ASNS: variants seen among roughly 807,000 people sequenced by gnomAD.
The protein encoded by ASNS is asparagine synthetase (glutamine-hydrolyzing), also known as asparagine synthetase [glutamine-hydrolyzing].
Under a neutral mutation model 62.6 loss-of-function variants are expected in ASNS, and 37 were observed. That is an observed-to-expected ratio of 0.59 (90% CI 0.45 to 0.78). ASNS has a LOEUF of 0.78. ASNS is among the 30% of genes least tolerant of loss of function. The pLI, the probability that ASNS is intolerant of heterozygous loss-of-function variation, is 0.00. For synonymous variants in ASNS, 207 were observed against 237.9 expected (o/e 0.87, Z 1.19); for missense variants, 520 against 682.4 (o/e 0.76, Z 2.65).
intron 3 of ASNS, among the ~76,000 whole-genome samples, chr7:97,864,745 C>A (rs1375842317): frequency 6.6e-6 from 1 of 151,992 alleles, no homozygotes; most frequent in Non-Finnish European, 1.5e-5. Flanking sequence ...TGGGAATGTG[C>A]CAGAACAGTA....
the ASNS span, chr7:97,928,052 C>A: frequency 2.2e-6 from 3 of 1,341,670 alleles, no homozygotes; most frequent in Non-Finnish European, 3.1e-6. Flanking sequence ...GCTCCCGGCA[C>A]CCCCGGACCC....
chr7:97,883,384 T>A, the ASNS span, among the ~76,000 whole-genome samples: 1 of 151,996 alleles, frequency 6.6e-6, no homozygotes, highest in Admixed American at 6.6e-5. Context: ...CTTGGGTATG[T>A]TTTTCTTCTC....
At chr7:97,920,048 C>T in the ASNS span, among the ~76,000 whole-genome samples, 11 of 151,094 alleles carry the variant, frequency 7.3e-5, no homozygotes, top group East Asian at 2.1e-3. Flanking sequence ...TGCTCTGTTG[C>T]CCAGGCTGGA....
chr7:97,906,134 C>T, the ASNS span, among the ~76,000 whole-genome samples: 1 of 152,124 alleles, frequency 6.6e-6, no homozygotes, highest in Non-Finnish European at 1.5e-5. Flanking sequence ...CTATAACTAC[C>T]TCCTCCATGC....
chr7:97,924,299 G>T, the ASNS span, among the ~76,000 whole-genome samples: 1 of 152,088 alleles, frequency 6.6e-6, no homozygotes, highest in Non-Finnish European at 1.5e-5. Context: ...CTTTCGGCCA[G>T]GGGGGGATGC....
At chr7:97,886,516 A>C in the ASNS span, among the ~76,000 whole-genome samples, 1 of 152,102 alleles carries the variant, frequency 6.6e-6, no homozygotes, top group Non-Finnish European at 1.5e-5. Context: ...GGTTTTCTTA[A>C]CAGCATAAGG....
chr7:97,910,273 A>C, the ASNS span, among the ~76,000 whole-genome samples: 24 of 152,188 alleles, frequency 1.6e-4, no homozygotes, highest in African/African-American at 5.3e-4. Context: ...ATAAGCACCC[A>C]CACACACATG....
chr7:97,877,942 T>C, the ASNS span, among the ~76,000 whole-genome samples: 2 of 152,260 alleles, frequency 1.3e-5, no homozygotes, highest in South Asian at 4.1e-4. Flanking sequence ...AGGGGTTCTC[T>C]TGGGGGCTGT....
chr7:97,866,938 C>G (rs1792001105), intron 3 of ASNS, among the ~76,000 whole-genome samples: 1 of 152,226 alleles, frequency 6.6e-6, no homozygotes, highest in Admixed American at 6.5e-5. Context: ...GACCATAAAG[C>G]ATTCGGTGAT....
the ASNS span, among the ~76,000 whole-genome samples, chr7:97,896,723 C>T: frequency 5.4e-4 from 19 of 35,082 alleles, no homozygotes; most frequent in African/African-American, 1.7e-3. Flanking sequence ...CACACACACA[C>T]ACACACACAC....
the ASNS span, among the ~76,000 whole-genome samples, chr7:97,884,079 G>C: frequency 1.3e-5 from 2 of 151,714 alleles, no homozygotes; most frequent in Non-Finnish European, 2.9e-5. Context: ...TATTTCACCA[G>C]TGGGGAAGCT....
At chr7:97,886,499 G>A in the ASNS span, among the ~76,000 whole-genome samples, 1 of 152,102 alleles carries the variant, frequency 6.6e-6, no homozygotes, top group Non-Finnish European at 1.5e-5. Flanking sequence ...ATGCTGCTGT[G>A]ATATCGGGTT....
intron 10 of ASNS, 59 bp downstream of exon 10, chr7:97,854,519 GTT>G (rs1791340266): frequency 6.4e-7 from 1 of 1,574,676 alleles, no homozygotes; most frequent in Admixed American, 1.9e-5. Flanking sequence ...TGAGCTTTTT[GTT>G]TTGTTTTGTT....
At chr7:97,857,061 C>A (rs1397415904) in intron 7 of ASNS, among the ~76,000 whole-genome samples, 1 of 152,188 alleles carries the variant, frequency 6.6e-6, no homozygotes, top group Non-Finnish European at 1.5e-5. Context: ...AAGGCTTCAA[C>A]CATTCTCCCA....
chr7:97,866,628 AGGT>A (rs1174498838), intron 3 of ASNS, among the ~76,000 whole-genome samples: 1 of 152,264 alleles, frequency 6.6e-6, no homozygotes, highest in East Asian at 1.9e-4. Flanking sequence ...GGTTTAAATC[AGGT>A]GGAAATCCTA....
chr7:97,924,874 C>T, the ASNS span, among the ~76,000 whole-genome samples: 1 of 152,252 alleles, frequency 6.6e-6, no homozygotes, highest in Non-Finnish European at 1.5e-5. Context: ...TGGTGGCTCA[C>T]ACCTGTGATC....
At chr7:97,896,737 C>CAT in the ASNS span, among the ~76,000 whole-genome samples, 6 of 30,496 alleles carry the variant, frequency 2.0e-4, no homozygotes, top group Admixed American at 6.0e-4. Context: ...CACACACACA[C>CAT]ACACATATAT....
chr7:97,872,880 C>G (rs1584482167), upstream of ASNS, among the ~76,000 whole-genome samples: 1 of 152,362 alleles, frequency 6.6e-6, no homozygotes, highest in Non-Finnish European at 1.5e-5. Context: ...GCAAGAGGAT[C>G]ACTTGAAACC....
rs1792092355 is a variant in ASNS at position 97,868,584 on chromosome 7, CTATT to C, written c.249+320_249+323del. 4.6e-5 allele frequency among the ~76,000 whole-genome samples: 7 copies of C among 150,796 alleles called. No homozygotes were observed. The South Asian group carries it at 1.5e-3, about 31-fold the overall frequency. On this transcript the variant is annotated intron_variant, in intron 3 of 12. Coordinates refer to ENST00000394308, the MANE Select transcript of ASNS (RefSeq NM_001673.5). ...AGCAACTATGGCAAAACATTAATGA[CTATT>C]TAATCTAGGTGCTTGTTGTTCTGTT...
Sources: gnomAD v4.1 joint callset for allele counts (sites outside exome capture counted in the v4.1 genomes callset) on GRCh38, gnomAD v4.1.1 for gene constraint, MANE v1.5 for transcripts, NCBI Gene and HGNC (gene_info 2026-07-23, HGNC 2026-07-21) for gene names.